PDE6D: variants seen among roughly 807,000 people sequenced by gnomAD.
The protein encoded by PDE6D is retinal rod rhodopsin-sensitive cGMP 3',5'-cyclic phosphodiesterase subunit delta.
A neutral mutation model predicts 21.9 loss-of-function variants in PDE6D; 10 were observed. The ratio of observed to expected loss-of-function variants is 0.46; its 90% CI spans 0.28 to 0.78. PDE6D has a LOEUF of 0.78. Among genes scored for constraint, PDE6D ranks in the 30% least tolerant of loss-of-function variants. The probability of loss-of-function intolerance (pLI) is 0.12; values close to 1 mark genes in which losing one functional copy is unlikely to be tolerated. For missense variants in PDE6D, 139 were observed against 184.8 expected, an observed-to-expected ratio of 0.75 and a Z score of 1.44; for synonymous variants, 59 against 63.5, an observed-to-expected ratio of 0.93 and a Z score of 0.34.
intron 1 of PDE6D, among the ~76,000 whole-genome samples, chr2:231,773,087 C>T (rs1574635739): frequency 2.0e-5 from 3 of 151,976 alleles, no homozygotes; most frequent in Admixed American, 6.6e-5. Flanking sequence ...AGAAAAAATA[C>T]GAAAATTAGC....
intron 4 of PDE6D, among the ~76,000 whole-genome samples, chr2:231,733,978 C>T (rs957756426): frequency 1.3e-5 from 2 of 151,350 alleles, no homozygotes; most frequent in Non-Finnish European, 1.5e-5. Context: ...TTTGGGAGTC[C>T]GAGGTGGGCG....
chr2:231,750,481 C>CA (rs1553557786), intron 1 of PDE6D, among the ~76,000 whole-genome samples: 24,415 of 133,500 alleles, frequency 0.18, 2,517 homozygotes, highest in Non-Finnish European at 0.24. Flanking sequence ...ATCCATATCA[C>CA]TTTTTTTTTT....
At chr2:231,770,118 C>T (rs2049002976) in intron 1 of PDE6D, among the ~76,000 whole-genome samples, 1 of 152,158 alleles carries the variant, frequency 6.6e-6, no homozygotes, top group Non-Finnish European at 1.5e-5. Context: ...AAAACAACTT[C>T]GTTGTGGGAT....
intron 1 of PDE6D, among the ~76,000 whole-genome samples, chr2:231,770,847 G>T (rs547208004): frequency 1.3e-5 from 2 of 152,046 alleles, no homozygotes; most frequent in South Asian, 4.1e-4. Flanking sequence ...CAGCTGCTCG[G>T]GAGACTGAGG....
At chr2:231,760,345 C>T (rs1574629381) in intron 1 of PDE6D, among the ~76,000 whole-genome samples, 1 of 152,108 alleles carries the variant, frequency 6.6e-6, no homozygotes, top group Non-Finnish European at 1.5e-5. Context: ...GTACTGAGTA[C>T]TAGATAGTAT....
Position 231,735,302 on chromosome 2 carries a change from A to ATTT in PDE6D, c.371+1882_371+1884dup, listed in dbSNP as rs576327627. 9.0e-4 allele frequency among the ~76,000 whole-genome samples: 119 copies of ATTT among 132,044 alleles called. 2 individuals are homozygous for ATTT. Among genetic ancestry groups the ATTT allele is most frequent in the South Asian group, 6.0e-3 (24 of 4,022 alleles). 86.6% of individuals were successfully genotyped at this position (132,044 alleles called of 152,430 possible). A position where few individuals can be genotyped will look rare whatever the true frequency, so the allele number is the denominator to read the frequency against. On this transcript the variant is annotated intron_variant, in intron 4 of 4. Transcript: ENST00000287600. ...TAAAACTTTAAAAAATTCTATTACA[A>ATTT]TTTTTTTTTTTTTTTGAGGTGGAGT...
intron 1 of PDE6D, among the ~76,000 whole-genome samples, chr2:231,754,350 CTT>C (rs1180927144): frequency 1.4e-5 from 2 of 146,542 alleles, no homozygotes; most frequent in East Asian, 3.9e-4. Context: ...AAGAAAATGG[CTT>C]TTGTCTTTTT....
intron 1 of PDE6D, among the ~76,000 whole-genome samples, chr2:231,762,409 A>G (rs2106279829): frequency 7.5e-6 from 1 of 132,688 alleles, no homozygotes; most frequent in South Asian, 2.3e-4. Flanking sequence ...CAGTAGTGCG[A>G]TCTCAGCTCA....
intron 1 of PDE6D, among the ~76,000 whole-genome samples, chr2:231,769,541 CAG>C (rs1364892178): frequency 6.6e-6 from 1 of 151,752 alleles, no homozygotes; most frequent in Non-Finnish European, 1.5e-5. Flanking sequence ...CACACACACA[CAG>C]AGATATGTAT....
chr2:231,745,221 CA>C (rs1453218108), intron 1 of PDE6D, among the ~76,000 whole-genome samples: 2 of 147,824 alleles, frequency 1.4e-5, no homozygotes, highest in Non-Finnish European at 3.0e-5. Flanking sequence ...AAAACAAAAA[CA>C]AAAACACACA....
At chr2:231,737,450 A>C in intron 3 of PDE6D, 158 bp from the exon 4 acceptor site, 2 of 564,372 alleles carry the variant, frequency 3.5e-6, no homozygotes, top group South Asian at 4.4e-5. Context: ...AAGACAGGGA[A>C]GCCTGCTCAG....
intron 1 of PDE6D, among the ~76,000 whole-genome samples, chr2:231,771,588 T>C (rs2049016125): frequency 6.6e-6 from 1 of 152,234 alleles, no homozygotes; most frequent in South Asian, 2.1e-4. Context: ...TTTACAGTGC[T>C]AATTTATATT....
At chr2:231,756,859 A>G (rs2106275583) in intron 1 of PDE6D, among the ~76,000 whole-genome samples, 1 of 149,530 alleles carries the variant, frequency 6.7e-6, no homozygotes, top group South Asian at 2.1e-4. Context: ...GTCAAGCTCT[A>G]TGTGTTAGGT....
At chr2:231,750,501 T>A (rs995954551) in intron 1 of PDE6D, among the ~76,000 whole-genome samples, 3 of 149,528 alleles carry the variant, frequency 2.0e-5, no homozygotes, top group South Asian at 4.3e-4. Context: ...TTTTTTTTTT[T>A]AGACAGAGTC....
At chr2:231,778,838 C>T (rs1249116772) in intron 1 of PDE6D, 1 of 152,174 alleles carries the variant, frequency 6.6e-6, no homozygotes, top group African/African-American at 2.4e-5. Context: ...GTTATCCAAA[C>T]TGGCAAATAA....
chr2:231,761,708 A>G (rs1469921068), intron 1 of PDE6D, among the ~76,000 whole-genome samples: 1 of 152,186 alleles, frequency 6.6e-6, no homozygotes, highest in Admixed American at 6.5e-5. Context: ...AAGAGCTAAT[A>G]TTTGAGTACC....
At chr2:231,759,966 T>C (rs1417350723) in intron 1 of PDE6D, among the ~76,000 whole-genome samples, 1 of 152,218 alleles carries the variant, frequency 6.6e-6, no homozygotes, top group Non-Finnish European at 1.5e-5. Flanking sequence ...AAATGTTTAG[T>C]ATTTTTTAGA....
chr2:231,733,552 G>T (rs2048669070), intron 4 of PDE6D, among the ~76,000 whole-genome samples: 1 of 152,148 alleles, frequency 6.6e-6, no homozygotes, highest in Non-Finnish European at 1.5e-5. Flanking sequence ...CAAGTGAGTG[G>T]CCCCTCACTC....
Position 231,737,291 on chromosome 2 carries a change from T to C in PDE6D, c.267A>G (p.Glu89=). 6.3e-7 allele frequency: 1 copy of C among 1,591,348 alleles called. No individual in the cohort carries two copies. Among genetic ancestry groups the C allele is most frequent in the South Asian group, 1.1e-5 (1 of 90,580 alleles). Residue 89 remains glutamate, a splice_region_variant and synonymous_variant, in exon 4 of 5, where the codon GAA becomes GAG. Coordinates refer to ENST00000287600, the MANE Select transcript of PDE6D (RefSeq NM_002601.4). ...KVYFKGQCLE[E]WFFEFGFVIP... is the part of the protein sequence containing the mutation. ...TCACAAAGCCAAACTCGAAGAACCA[T>C]TCTGAAGGAAGAAGGAAAAGCCGGG...
Sources: gnomAD v4.1 joint callset for allele counts (sites outside exome capture counted in the v4.1 genomes callset) on GRCh38, gnomAD v4.1.1 for gene constraint, MANE v1.5 for transcripts, NCBI Gene and HGNC (gene_info 2026-07-23, HGNC 2026-07-21) for gene names.